Variants in CAST observed in about 807,000 individuals in gnomAD.
The protein encoded by CAST is calpastatin, also known as MIR583 host.
A neutral mutation model predicts 119.6 loss-of-function variants in CAST; 76 were observed. That is an observed-to-expected ratio of 0.64 (90% CI 0.53 to 0.77). The LOEUF (loss-of-function observed/expected upper bound fraction) is 0.77, where lower values mean the gene tolerates loss of function less well. Among genes scored for constraint, CAST ranks in the 30% least tolerant of loss-of-function variants. The probability of loss-of-function intolerance (pLI) is 0.00; values close to 1 mark genes in which losing one functional copy is unlikely to be tolerated. For synonymous variants in CAST, 319 were observed against 331.6 expected (o/e 0.96, Z 0.41); for missense variants, 953 against 946.5 (o/e 1.01, Z -0.09).
the CAST span, chr5:96,410,750 G>A: frequency 2.5e-6 from 4 of 1,584,752 alleles, no homozygotes; most frequent in Non-Finnish European, 3.5e-6. Flanking sequence ...ACTAAGCAGA[G>A]AGAATTAGAC....
chr5:96,734,211 G>T (rs1561543634), intron 9 of CAST, among the ~76,000 whole-genome samples: 1 of 152,210 alleles, frequency 6.6e-6, no homozygotes, highest in Non-Finnish European at 1.5e-5. Flanking sequence ...TGAATGGTGG[G>T]GCTGTAAGAC....
the CAST span, among the ~76,000 whole-genome samples, chr5:96,260,831 A>G: frequency 1.3e-5 from 2 of 152,244 alleles, no homozygotes; most frequent in African/African-American, 2.4e-5. Flanking sequence ...TGCTTAATTT[A>G]GCCCAGGTTG....
chr5:96,140,886 C>T, the CAST span, among the ~76,000 whole-genome samples: 24 of 152,174 alleles, frequency 1.6e-4, no homozygotes, highest in African/African-American at 5.8e-4. Flanking sequence ...ACACTCCTCA[C>T]TCTATTGTAA....
chr5:96,443,964 AT>A, the CAST span, among the ~76,000 whole-genome samples: 106 of 152,312 alleles, frequency 7.0e-4, no homozygotes, highest in African/African-American at 2.4e-3. Flanking sequence ...TCTTGTCAAA[AT>A]TTTTCCAGCA....
the CAST span, among the ~76,000 whole-genome samples, chr5:96,481,804 T>C: frequency 1.3e-5 from 2 of 152,186 alleles, no homozygotes; most frequent in Admixed American, 1.3e-4. Flanking sequence ...TAGTAACTAA[T>C]GGCAAGACCC....
the CAST span, among the ~76,000 whole-genome samples, chr5:96,200,826 A>G: frequency 6.6e-6 from 1 of 152,170 alleles, no homozygotes; most frequent in Non-Finnish European, 1.5e-5. Context: ...TTAGCACAGC[A>G]CTAGACACCC....
chr5:96,455,631 C>G, the CAST span, among the ~76,000 whole-genome samples: 3 of 152,212 alleles, frequency 2.0e-5, no homozygotes, highest in African/African-American at 7.2e-5. Context: ...AGCATGTCAA[C>G]AATCCCGAGC....
the CAST span, among the ~76,000 whole-genome samples, chr5:96,406,106 C>T: frequency 1.3e-5 from 2 of 152,124 alleles, no homozygotes; most frequent in Non-Finnish European, 2.9e-5. Flanking sequence ...TGCAGGCTGA[C>T]ATTTTCAATC....
rs148031516 is a variant in CAST, at chr5:96,751,347, C to A, written c.1524+665C>A. On this transcript the variant is annotated intron_variant, in intron 20 of 31. Coordinates refer to ENST00000675179, the MANE Select transcript of CAST (RefSeq NM_001750.7). ...ACCTACCTTTCATCATCTGCTGTGC[C>A]ATTGCTCTAGATGTTTTGCAATGTC... Among the ~76,000 whole-genome samples the A allele has an allele frequency of 3.3e-5, 5 of 152,290 alleles. 1 individual carries two copies. The highest frequency in any genetic ancestry group is 1.2e-4 in the African/African-American group (5 of 41,558).
chr5:96,740,537 T>A (rs183308991), intron 12 of CAST, among the ~76,000 whole-genome samples: 101 of 152,152 alleles, frequency 6.6e-4, no homozygotes, highest in South Asian at 1.0e-3. Flanking sequence ...CATATTGGAG[T>A]AGGGCCCACC....
chr5:96,402,544 CAG>C, the CAST span, among the ~76,000 whole-genome samples: 1 of 152,186 alleles, frequency 6.6e-6, no homozygotes, highest in Non-Finnish European at 1.5e-5. Flanking sequence ...CCTCACACCT[CAG>C]AGTCCATAAA....
At chr5:96,504,113 C>CCATA in the CAST span, among the ~76,000 whole-genome samples, 1 of 152,148 alleles carries the variant, frequency 6.6e-6, no homozygotes, top group African/African-American at 2.4e-5. Context: ...AATGCACGGC[C>CCATA]TATGACATGC....
the CAST span, among the ~76,000 whole-genome samples, chr5:96,486,561 C>A: frequency 1.3e-5 from 2 of 152,158 alleles, no homozygotes; most frequent in African/African-American, 4.8e-5. Context: ...ATATAGTTAT[C>A]TCATGGGGGA....
the CAST span, among the ~76,000 whole-genome samples, chr5:96,452,976 A>AAAAAAGAAG: frequency 4.9e-5 from 7 of 142,350 alleles, no homozygotes; most frequent in African/African-American, 2.1e-4. Context: ...AAAAAAAAAA[A>AAAAAAGAAG]CAGAAGAAAG....
At chr5:96,405,194 T>C in the CAST span, among the ~76,000 whole-genome samples, 2 of 152,340 alleles carry the variant, frequency 1.3e-5, no homozygotes, top group African/African-American at 4.8e-5. Context: ...TCAGTCATAC[T>C]TATCTTACTG....
the CAST span, among the ~76,000 whole-genome samples, chr5:96,266,720 C>G: frequency 6.6e-6 from 1 of 152,156 alleles, no homozygotes; most frequent in South Asian, 2.1e-4. Context: ...ACAAGCCAGA[C>G]AGAAGACTGA....
chr5:96,369,141 T>A, the CAST span, among the ~76,000 whole-genome samples: 1 of 151,596 alleles, frequency 6.6e-6, no homozygotes, highest in African/African-American at 2.4e-5. Context: ...TATCTATATA[T>A]TTTATATATT....
At chr5:96,565,496 A>G (rs1580827193) in intron 1 of CAST, among the ~76,000 whole-genome samples, 1 of 152,166 alleles carries the variant, frequency 6.6e-6, no homozygotes, top group Non-Finnish European at 1.5e-5. Flanking sequence ...ACATCCCCAA[A>G]TCATACTGTG....
At chr5:96,597,739 G>A (rs1747077391) in intron 1 of CAST, among the ~76,000 whole-genome samples, 1 of 152,002 alleles carries the variant, frequency 6.6e-6, no homozygotes, top group Admixed American at 6.6e-5. Flanking sequence ...TAATTATCGT[G>A]TCTCCTCTAT....
Sources: gnomAD v4.1 joint callset for allele counts (sites outside exome capture counted in the v4.1 genomes callset) on GRCh38, gnomAD v4.1.1 for gene constraint, MANE v1.5 for transcripts, NCBI Gene and HGNC (gene_info 2026-07-23, HGNC 2026-07-21) for gene names.